The following CHRM3 variants were observed in gnomAD, a reference collection of about 807,000 sequenced individuals.
The protein encoded by CHRM3 is muscarinic acetylcholine receptor M3.
CHRM3 carries 11 observed loss-of-function variants against 41.8 expected under a neutral mutation model. The ratio of observed to expected loss-of-function variants is 0.26; its 90% CI spans 0.17 to 0.44. CHRM3 has a LOEUF of 0.44. CHRM3 is among the 20% of genes least tolerant of loss of function. The probability of loss-of-function intolerance (pLI) is 1.00; values close to 1 mark genes in which losing one functional copy is unlikely to be tolerated. For missense variants in CHRM3, 571 were observed against 745.4 expected, an observed-to-expected ratio of 0.77 and a Z score of 2.72; for synonymous variants, 297 against 301.4, an observed-to-expected ratio of 0.99 and a Z score of 0.15.
intron 6 of CHRM3, among the ~76,000 whole-genome samples, chr1:239,902,441 C>G (rs1026122467): frequency 2.0e-5 from 3 of 152,144 alleles, no homozygotes; most frequent in African/African-American, 7.2e-5. Flanking sequence ...AGCTTTTCAA[C>G]TCTGCTCTAT....
intron 3 of CHRM3, among the ~76,000 whole-genome samples, chr1:239,600,556 A>G (rs972162406): frequency 6.6e-6 from 1 of 152,144 alleles, no homozygotes; most frequent in Admixed American, 6.5e-5. Context: ...TTTAACTTAA[A>G]GAAAAGAAGG....
Position 239,907,391 on chromosome 1 carries a change from G to A in CHRM3, c.-19-42G>A, listed in dbSNP as rs1680053738. 6 of 1,494,298 alleles carry A rather than the reference G, an allele frequency of 4.0e-6. No homozygotes were observed. The African/African-American group carries it at 5.6e-5, about 14-fold the overall frequency. The allele number at this position is 1,494,298 out of a possible 1,614,324, so 92.6% of individuals were successfully genotyped here. A position where few individuals can be genotyped will look rare whatever the true frequency, so the allele number is the denominator to read the frequency against. ...TAATGCAAAGAACAAACAAATAAAGGCAGAAATTTTTCTAACTCTGTCTCT... is the reference window on the plus strand; with the variant it reads ...TAATGCAAAGAACAAACAAATAAAGACAGAAATTTTTCTAACTCTGTCTCT... On this transcript the variant is annotated intron_variant, in intron 6 of 6. Transcript: ENST00000676153. This position sits in a 1 kb window ranked among gnomAD's most constrained non-coding sequence, Gnocchi z 5.4.
intron 5 of CHRM3, among the ~76,000 whole-genome samples, chr1:239,749,177 A>C (rs1156981194): frequency 6.6e-6 from 1 of 152,246 alleles, no homozygotes; most frequent in Non-Finnish European, 1.5e-5. Flanking sequence ...TAGGTGGTCA[A>C]ACTTTACCTT....
At chr1:239,478,406 C>A (rs1247760110) in intron 1 of CHRM3, among the ~76,000 whole-genome samples, 2 of 152,056 alleles carry the variant, frequency 1.3e-5, no homozygotes, top group Non-Finnish European at 2.9e-5. Context: ...CTTTGATCAT[C>A]TAAAAAGGAA....
At chr1:239,520,389 T>C (rs1669561926) in intron 2 of CHRM3, among the ~76,000 whole-genome samples, 1 of 152,056 alleles carries the variant, frequency 6.6e-6, no homozygotes, top group Non-Finnish European at 1.5e-5. Context: ...TTTGGCACCA[T>C]CTCCTTGGTG....
chr1:239,866,034 C>T (rs1276344244), intron 6 of CHRM3, among the ~76,000 whole-genome samples: 1 of 152,070 alleles, frequency 6.6e-6, no homozygotes, highest in East Asian at 1.9e-4. Flanking sequence ...GGGGCTTTTA[C>T]TATTGTCCCT....
chr1:239,446,356 A>T (rs1664155841), intron 1 of CHRM3, among the ~76,000 whole-genome samples: 1 of 152,244 alleles, frequency 6.6e-6, no homozygotes, highest in African/African-American at 2.4e-5. Context: ...ATAAGCTGTA[A>T]GTATGATTTA....
intron 5 of CHRM3, among the ~76,000 whole-genome samples, chr1:239,767,923 G>A (rs1667351662): frequency 6.6e-6 from 1 of 152,092 alleles, no homozygotes; most frequent in Non-Finnish European, 1.5e-5. Context: ...GGGCTGGAGT[G>A]GGACGTGAGA....
At chr1:239,411,430 A>G (rs372693623) in intron 1 of CHRM3, among the ~76,000 whole-genome samples, 1 of 152,194 alleles carries the variant, frequency 6.6e-6, no homozygotes, top group Non-Finnish European at 1.5e-5. Context: ...AAAAACAAAT[A>G]AGAAATAAGT....
chr1:239,860,880 T>G (rs1675579313), intron 6 of CHRM3, among the ~76,000 whole-genome samples: 1 of 152,192 alleles, frequency 6.6e-6, no homozygotes, highest in Non-Finnish European at 1.5e-5. Flanking sequence ...CTGAAGCATT[T>G]TAAATACCCT....
chr1:239,807,818 G>GCACACACA (rs57650107), intron 5 of CHRM3, among the ~76,000 whole-genome samples: 1 of 148,438 alleles, frequency 6.7e-6, no homozygotes, highest in Admixed American at 6.8e-5. Flanking sequence ...TTTGCTTTGC[G>GCACACACA]CACACACACA....
chr1:239,444,904 A>G (rs1664011596), intron 1 of CHRM3, among the ~76,000 whole-genome samples: 2 of 152,132 alleles, frequency 1.3e-5, no homozygotes, highest in South Asian at 4.1e-4. Context: ...AGGGGCGGAG[A>G]TAGTAAAAGA....
chr1:239,879,795 C>T (rs1335752178), intron 6 of CHRM3, among the ~76,000 whole-genome samples: 1 of 152,188 alleles, frequency 6.6e-6, no homozygotes, highest in African/African-American at 2.4e-5. Context: ...CACGGTCACA[C>T]ACAGCTGGTT....
chr1:239,547,642 C>T (rs1425266581), intron 3 of CHRM3, among the ~76,000 whole-genome samples: 1 of 152,098 alleles, frequency 6.6e-6, no homozygotes, highest in African/African-American at 2.4e-5. Context: ...TGGCAGCTAT[C>T]CCCTTTGTCA....
intron 6 of CHRM3, among the ~76,000 whole-genome samples, chr1:239,851,096 A>G (rs1008332675): frequency 6.6e-6 from 1 of 152,142 alleles, no homozygotes; most frequent in Non-Finnish European, 1.5e-5. Flanking sequence ...AATAATACTG[A>G]TGAGGAAAAC....
chr1:239,891,559 C>T (rs1472356002), intron 6 of CHRM3, among the ~76,000 whole-genome samples: 2 of 152,138 alleles, frequency 1.3e-5, no homozygotes, highest in East Asian at 1.9e-4. Context: ...GTAGGGTGGC[C>T]TAATATACAT....
At chr1:239,655,173 T>A (rs1672603549) in intron 4 of CHRM3, among the ~76,000 whole-genome samples, 1 of 152,212 alleles carries the variant, frequency 6.6e-6, no homozygotes. Context: ...AATTATAAGT[T>A]CTATTGTCTT....
intron 6 of CHRM3, among the ~76,000 whole-genome samples, chr1:239,863,549 A>G (rs1275129901): frequency 6.6e-6 from 1 of 152,210 alleles, no homozygotes. Flanking sequence ...ATCAGCAGAC[A>G]CCAGGGTAAC....
chr1:239,842,517 G>T (rs1425939681), intron 6 of CHRM3, among the ~76,000 whole-genome samples: 2 of 152,160 alleles, frequency 1.3e-5, no homozygotes, highest in Non-Finnish European at 2.9e-5. Flanking sequence ...TTACAGGAGT[G>T]AGCCACCGTG....
Sources: gnomAD v4.1 joint callset for allele counts (sites outside exome capture counted in the v4.1 genomes callset) on GRCh38, gnomAD v4.1.1 for gene constraint, Gnocchi (gnomAD v3.1) non-coding constraint, MANE v1.5 for transcripts, NCBI Gene and HGNC (gene_info 2026-07-23, HGNC 2026-07-21) for gene names.